Variants in FOXN3 observed in about 807,000 individuals in gnomAD.
The protein encoded by FOXN3 is forkhead box protein N3.
In FOXN3, 7 loss-of-function variants were observed where a neutral mutation model predicts 38.4. The ratio of observed to expected loss-of-function variants is 0.18; its 90% CI spans 0.10 to 0.34. The LOEUF is 0.34. FOXN3 is among the 10% of genes least tolerant of loss of function. FOXN3 has a pLI of 1.00. For synonymous variants in FOXN3, 230 were observed against 242.2 expected (o/e 0.95, Z 0.47); for missense variants, 456 against 613.4 (o/e 0.74, Z 2.71).
rs146792912 is a variant in FOXN3 at position 89,520,223 on chromosome 14, A to T, written c.-15+98805T>A. On this transcript the variant is annotated intron_variant, in intron 1 of 6. Coordinates refer to the FOXN3 transcript ENST00000345097. ...AGACAGGGGTTTCGCCATGTTGTCC[A>T]GACTGAGTTTTTCTTTCTTTTTTTT... Among the ~76,000 whole-genome samples the T allele has an allele frequency of 4.5e-4, 66 of 146,712 alleles. 2 individuals carry two copies. In the East Asian group the frequency reaches 0.012, roughly 27 times the overall value.
rs769118426 is a variant in FOXN3 at position 89,412,114 on chromosome 14, G to A, written c.363C>T (p.Cys121=). ...AGTCCTCGATGGCCATAAATATGAG[G>A]CAGCTGAAGGAGTAGGGGGGTTTGC... The part of the protein sequence containing the change: ...PNCKPPYSFS[C]LIFMAIEDSP... Residue 121 remains cysteine, a synonymous_variant, in exon 2 of 6, where the codon TGC becomes TGT. Coordinates refer to ENST00000557258, the MANE Select transcript of FOXN3 (RefSeq NM_005197.4). This position sits in a 1 kb window ranked among gnomAD's most constrained non-coding sequence, Gnocchi z 4.7. 1.2e-6 allele frequency: 2 copies of A among 1,611,760 alleles called. No homozygotes were observed. The highest frequency in any genetic ancestry group is 1.7e-6 in the Non-Finnish European group (2 of 1,178,840).
At chr14:89,320,945 C>T (rs1206193664) in intron 3 of FOXN3, among the ~76,000 whole-genome samples, 3 of 151,974 alleles carry the variant, frequency 2.0e-5, no homozygotes, top group African/African-American at 7.2e-5. Flanking sequence ...TGTTTATATG[C>T]GGGGAGTTGG....
intron 3 of FOXN3, among the ~76,000 whole-genome samples, chr14:89,292,779 G>A (rs1025557493): frequency 6.6e-6 from 1 of 152,148 alleles, no homozygotes; most frequent in African/African-American, 2.4e-5. Context: ...TGTGACAGCA[G>A]CACAAACAGA....
intron 1 of FOXN3, among the ~76,000 whole-genome samples, chr14:89,517,535 C>T (rs1391875565): frequency 6.6e-6 from 1 of 152,090 alleles, no homozygotes; most frequent in African/African-American, 2.4e-5. Context: ...GGTGCTCACA[C>T]TTTTAAACGA....
intron 4 of FOXN3, among the ~76,000 whole-genome samples, chr14:89,204,796 A>G (rs1158535673): frequency 6.7e-6 from 1 of 148,660 alleles, no homozygotes; most frequent in African/African-American, 2.6e-5. Context: ...CATAGGCTCC[A>G]TCCATCCATC....
At chr14:89,179,354 C>G (rs1162983741) in intron 5 of FOXN3, among the ~76,000 whole-genome samples, 1 of 152,156 alleles carries the variant, frequency 6.6e-6, no homozygotes, top group African/African-American at 2.4e-5. Context: ...AGAAGCTGCA[C>G]GCGGCAGGGG....
At chr14:89,226,581 A>G (rs964470054) in intron 4 of FOXN3, among the ~76,000 whole-genome samples, 13 of 152,132 alleles carry the variant, frequency 8.5e-5, no homozygotes, top group Non-Finnish European at 1.3e-4. Flanking sequence ...TAGTATGACT[A>G]GTGGGAAAAT....
At chr14:89,511,613 TTACCCCC>T (rs1320422175) in intron 1 of FOXN3, among the ~76,000 whole-genome samples, 1 of 152,108 alleles carries the variant, frequency 6.6e-6, no homozygotes, top group Non-Finnish European at 1.5e-5. Context: ...AGCCTTGAGG[TTACCCCC>T]TACAGGACTG....
intron 1 of FOXN3, among the ~76,000 whole-genome samples, chr14:89,471,107 C>T (rs1406784245): frequency 6.6e-6 from 1 of 152,096 alleles, no homozygotes; most frequent in Non-Finnish European, 1.5e-5. Context: ...GGCCAGGAGG[C>T]GGGAGGCTGC....
intron 4 of FOXN3, among the ~76,000 whole-genome samples, chr14:89,260,899 T>A (rs1195446562): frequency 6.6e-6 from 1 of 152,272 alleles, no homozygotes; most frequent in Non-Finnish European, 1.5e-5. Context: ...ATATTTTTAT[T>A]ATGGCAAGTA....
At chr14:89,609,217 T>C (rs1233841597) in intron 1 of FOXN3, among the ~76,000 whole-genome samples, 5 of 152,152 alleles carry the variant, frequency 3.3e-5, no homozygotes, top group Non-Finnish European at 7.3e-5. Flanking sequence ...AAGATTCTTT[T>C]TCGAGACAGG....
At chr14:89,329,076 T>C (rs758946062) in intron 3 of FOXN3, among the ~76,000 whole-genome samples, 2 of 152,076 alleles carry the variant, frequency 1.3e-5, no homozygotes, top group African/African-American at 2.4e-5. Flanking sequence ...AAGTAGATGA[T>C]ATAAGAGAGG....
intron 1 of FOXN3, among the ~76,000 whole-genome samples, chr14:89,458,413 C>T (rs1381083375): frequency 6.6e-6 from 1 of 152,196 alleles, no homozygotes. Flanking sequence ...TGTTAAAGGA[C>T]TTCATTTCCT....
intron 4 of FOXN3, among the ~76,000 whole-genome samples, chr14:89,276,652 G>C: frequency 6.6e-6 from 1 of 152,182 alleles, no homozygotes; most frequent in East Asian, 1.9e-4. Context: ...CTTCCCCTGG[G>C]GATCTCCAGC....
chr14:89,506,577 G>A (rs1168513778), intron 1 of FOXN3, among the ~76,000 whole-genome samples: 5 of 151,994 alleles, frequency 3.3e-5, no homozygotes, highest in African/African-American at 1.2e-4. Context: ...CGCCCCTACT[G>A]GGAAGTGAGG....
chr14:89,224,779 G>A (rs1182538049), intron 4 of FOXN3, among the ~76,000 whole-genome samples: 1 of 152,172 alleles, frequency 6.6e-6, no homozygotes, highest in African/African-American at 2.4e-5. Flanking sequence ...CAGGAGGATT[G>A]CTTGAGGCCA....
At chr14:89,542,298 A>G (rs536007296) in intron 1 of FOXN3, among the ~76,000 whole-genome samples, 1 of 152,340 alleles carries the variant, frequency 6.6e-6, no homozygotes, top group South Asian at 2.1e-4. Flanking sequence ...GGATACCTGG[A>G]CACTCCCAAG....
intron 1 of FOXN3, among the ~76,000 whole-genome samples, chr14:89,432,015 G>C (rs1463064322): frequency 1.3e-5 from 2 of 152,174 alleles, no homozygotes; most frequent in African/African-American, 2.4e-5. Context: ...ACGCCCGGCT[G>C]TGTTGTTGCT....
At chr14:89,402,068 C>T (rs1891266156) in intron 2 of FOXN3, among the ~76,000 whole-genome samples, 1 of 152,186 alleles carries the variant, frequency 6.6e-6, no homozygotes, top group Non-Finnish European at 1.5e-5. Context: ...AGCAATCCAT[C>T]AAGTTATTAC....
Sources: gnomAD v4.1 joint callset for allele counts (sites outside exome capture counted in the v4.1 genomes callset) on GRCh38, gnomAD v4.1.1 for gene constraint, Gnocchi (gnomAD v3.1) non-coding constraint, MANE v1.5 for transcripts, NCBI Gene and HGNC (gene_info 2026-07-23, HGNC 2026-07-21) for gene names.